Variants in KCNT2 observed in about 807,000 individuals in gnomAD.
KCNT2 encodes the protein potassium sodium-activated channel subfamily T member 2, also known as potassium channel subfamily T member 2.
Under a neutral mutation model 153.8 loss-of-function variants are expected in KCNT2, and 67 were observed. The ratio of observed to expected loss-of-function variants is 0.44; its 90% confidence interval spans 0.36 to 0.53. The LOEUF (loss-of-function observed/expected upper bound fraction) is 0.53, where lower values mean the gene tolerates loss of function less well. Among genes scored for constraint, KCNT2 ranks in the 20% least tolerant of loss-of-function variants. The pLI, the probability that KCNT2 is intolerant of heterozygous loss-of-function variation, is 0.00. For missense variants in KCNT2, 975 were observed against 1,354.8 expected (o/e 0.72, Z 4.40); for synonymous variants, 500 against 458.8 (o/e 1.09, Z -1.15).
rs538279602 is a variant in KCNT2 at position 196,552,417 on chromosome 1, G to C, written c.95+55798C>G. On this transcript the variant is annotated intron_variant, in intron 1 of 27. Coordinates refer to ENST00000294725, the MANE Select transcript of KCNT2 (RefSeq NM_198503.5). The stretch of plus-strand genomic sequence containing the variant: ...ACTTTTACCCTAGAATAATGTATCT[G>C]GCAAAAATATCCTTTAAGCATGCAG... 2.6e-5 allele frequency among the ~76,000 whole-genome samples: 4 copies of C among 151,326 alleles called. No homozygotes were observed. In the South Asian group the frequency reaches 8.3e-4, roughly 31 times the overall value.
intron 26 of KCNT2, among the ~76,000 whole-genome samples, chr1:196,248,771 G>C (rs1330196165): frequency 6.6e-6 from 1 of 152,120 alleles, no homozygotes; most frequent in African/African-American, 2.4e-5. Context: ...AAATAGAAGA[G>C]GAAGGAATAC....
intron 13 of KCNT2, among the ~76,000 whole-genome samples, chr1:196,392,020 TA>T (rs1181509585): frequency 6.6e-6 from 1 of 151,544 alleles, no homozygotes; most frequent in Non-Finnish European, 1.5e-5. Context: ...TTGACCATTT[TA>T]GGGGTAAAAA....
At chr1:196,555,060 T>C (rs1658465419) in intron 1 of KCNT2, among the ~76,000 whole-genome samples, 1 of 151,194 alleles carries the variant, frequency 6.6e-6, no homozygotes, top group Admixed American at 6.6e-5. Flanking sequence ...CTGGCAACCT[T>C]TCCTCTAAGG....
intron 1 of KCNT2, among the ~76,000 whole-genome samples, chr1:196,523,714 A>G (rs887220314): frequency 3.3e-5 from 5 of 152,310 alleles, no homozygotes; most frequent in African/African-American, 1.2e-4. Flanking sequence ...TTAAAAACTG[A>G]GGTCAGAGGA....
At chr1:196,289,863 G>A (rs1341073583) in intron 22 of KCNT2, among the ~76,000 whole-genome samples, 2 of 151,894 alleles carry the variant, frequency 1.3e-5, no homozygotes, top group East Asian at 1.9e-4. Context: ...ACTTATATAA[G>A]TATCTAAAAG....
At chr1:196,602,947 CGG>C (rs1271329619) in intron 1 of KCNT2, among the ~76,000 whole-genome samples, 1 of 150,446 alleles carries the variant, frequency 6.6e-6, no homozygotes, top group Non-Finnish European at 1.5e-5. Context: ...CCACCGCGCC[CGG>C]CTAATTTTTT....
intron 1 of KCNT2, among the ~76,000 whole-genome samples, chr1:196,540,528 T>C (rs753088050): frequency 8.5e-5 from 13 of 152,168 alleles, no homozygotes; most frequent in Non-Finnish European, 1.8e-4. Flanking sequence ...TTTGAGATTA[T>C]AGCAGCACTG....
At chr1:196,437,075 CT>C (rs1201015653) in intron 8 of KCNT2, among the ~76,000 whole-genome samples, 14 of 304 alleles carry the variant, frequency 0.046, no homozygotes, top group African/African-American at 0.078. Flanking sequence ...AAATATATAT[CT>C]ATATATAAAT....
chr1:196,252,407 T>C (rs1656055217), intron 26 of KCNT2, among the ~76,000 whole-genome samples: 1 of 151,740 alleles, frequency 6.6e-6, no homozygotes, highest in South Asian at 2.1e-4. Flanking sequence ...AAAACTAGTG[T>C]GCTATTATTT....
chr1:196,333,066 A>C (rs1664644193), intron 17 of KCNT2, among the ~76,000 whole-genome samples: 1 of 151,620 alleles, frequency 6.6e-6, no homozygotes, highest in African/African-American at 2.4e-5. Flanking sequence ...CTGGGATTAC[A>C]AGTGTGAGCC....
rs138142929 is a variant in KCNT2 at position 196,572,035 on chromosome 1, T to C, written c.95+36180A>G. ...AGAAATGGTTCTATGTACACCTTTG[T>C]CCTCTTGTCTCACATAAGGCTCAGA... On this transcript the variant is annotated intron_variant, in intron 1 of 27. Transcript: ENST00000294725. 2.0e-4 allele frequency among the ~76,000 whole-genome samples: 30 copies of C among 152,214 alleles called. No homozygotes were observed. In the East Asian group the frequency reaches 5.4e-3, roughly 27 times the overall value.
intron 12 of KCNT2, among the ~76,000 whole-genome samples, chr1:196,400,973 C>A (rs535894433): frequency 4.0e-5 from 6 of 151,706 alleles, no homozygotes; most frequent in Non-Finnish European, 8.8e-5. Context: ...CCACAGAAAA[C>A]CTGCCAGAAC....
At chr1:196,390,887 A>ATTT (rs1243956099) in intron 13 of KCNT2, among the ~76,000 whole-genome samples, 6,330 of 110,476 alleles carry the variant, frequency 0.057, 261 homozygotes, top group Non-Finnish European at 0.086. Flanking sequence ...GATCTCATTC[A>ATTT]TTCTTTTTTT....
At chr1:196,343,802 A>C (rs1437727455) in intron 14 of KCNT2, among the ~76,000 whole-genome samples, 1 of 151,894 alleles carries the variant, frequency 6.6e-6, no homozygotes, top group Non-Finnish European at 1.5e-5. Context: ...TGTTTTTAGA[A>C]GGAGTCTTGC....
chr1:196,567,151 T>C (rs1660209569), intron 1 of KCNT2, among the ~76,000 whole-genome samples: 1 of 152,142 alleles, frequency 6.6e-6, no homozygotes, highest in African/African-American at 2.4e-5. Flanking sequence ...TGGTCCATTA[T>C]AGAACAGTTC....
At chr1:196,518,555 A>G (rs966787506) in intron 1 of KCNT2, among the ~76,000 whole-genome samples, 1 of 151,934 alleles carries the variant, frequency 6.6e-6, no homozygotes, top group African/African-American at 2.4e-5. Flanking sequence ...TGACACTGAT[A>G]GGATCAAAAT....
rs866864075 is a variant in KCNT2, at chr1:196,249,773, C to T, written c.3211+8421G>A. Among the ~76,000 whole-genome samples, 68 of 148,374 alleles carry T rather than the reference C, an allele frequency of 4.6e-4. 1 individual carries two copies. Among genetic ancestry groups the T allele is most frequent in the African/African-American group, 7.4e-4 (30 of 40,362 alleles). On this transcript the variant is annotated intron_variant, in intron 26 of 27. Transcript: ENST00000294725. ...CTGGATGACAAGAGTGAGACTCTGT[C>T]TCAAAAAAAAAAAAAGTTAGTATTT...
At chr1:196,479,341 A>T in intron 4 of KCNT2, 103 bp from the exon 5 acceptor site, 3 of 663,218 alleles carry the variant, frequency 4.5e-6, no homozygotes, top group Non-Finnish European at 7.9e-6. Context: ...GCATGTATAC[A>T]TATATGGGTG....
chr1:196,358,312 C>A (rs944301230), intron 14 of KCNT2, among the ~76,000 whole-genome samples: 4 of 151,674 alleles, frequency 2.6e-5, no homozygotes, highest in African/African-American at 9.7e-5. Context: ...ACCACAACTC[C>A]TGTTCTGTTT....
Sources: allele counts gnomAD v4.1 joint callset (sites outside exome capture counted in the v4.1 genomes callset), GRCh38; gene constraint gnomAD v4.1.1; transcripts MANE v1.5; gene names NCBI Gene and HGNC (gene_info 2026-07-23, HGNC 2026-07-21).